The following FXR1 variants were observed in gnomAD, a reference collection of about 807,000 sequenced individuals.
FXR1 encodes RNA-binding protein FXR1.
FXR1 carries 15 observed loss-of-function variants against 84.0 expected under a neutral mutation model. That is an observed-to-expected ratio of 0.18 (90% CI 0.12 to 0.27). The LOEUF (loss-of-function observed/expected upper bound fraction) is 0.27, where lower values mean the gene tolerates loss of function less well. FXR1 is among the 10% of genes least tolerant of loss of function. The pLI is 1.00. For synonymous variants in FXR1, 245 were observed against 250.7 expected (o/e 0.98, Z 0.21); for missense variants, 480 against 774.4 (o/e 0.62, Z 4.51).
intron 3 of FXR1, among the ~76,000 whole-genome samples, chr3:180,938,657 T>A (rs1720796707): frequency 6.6e-6 from 1 of 152,170 alleles, no homozygotes; most frequent in Non-Finnish European, 1.5e-5. Context: ...CAAGCGATTC[T>A]CCTGCCTCAG....
chr3:180,957,172 GACTT>G (rs1343380700), intron 9 of FXR1, among the ~76,000 whole-genome samples: 2 of 149,896 alleles, frequency 1.3e-5, no homozygotes, highest in African/African-American at 5.0e-5. Flanking sequence ...CTGTTTGACA[GACTT>G]ACAAGTTAAG....
Position 180,948,415 on chromosome 3 carries a change from G to C in FXR1, c.339G>C (p.Arg113=), listed in dbSNP as rs1409650444. The C allele has an allele frequency of 6.2e-7, 1 of 1,605,432 alleles. No individual in the cohort carries two copies. Among genetic ancestry groups the C allele is most frequent in the East Asian group, 2.2e-5 (1 of 44,820 alleles). The change falls in exon 5 of 17, where the codon CGG becomes CGC. Residue 113 remains arginine, a synonymous_variant. Transcript: ENST00000357559. ...YNEIVTFERL[R]PVNQNKTVKK... Reference sequence around the variant, plus strand: ...AAATAGTCACATTTGAACGACTTCGGCCTGTCAATCAAAATAAAACTGTCA... The same window carrying C: ...AAATAGTCACATTTGAACGACTTCGCCCTGTCAATCAAAATAAAACTGTCA...
Position 180,976,350 on chromosome 3 carries a change from C to T in FXR1, c.*58C>T. 8.7e-7 allele frequency: 1 copy of T among 1,149,532 alleles called. No homozygotes were observed. The highest frequency in any genetic ancestry group is 1.2e-6 in the Non-Finnish European group (1 of 817,102). 71.2% of individuals were successfully genotyped at this position (1,149,532 alleles called of 1,614,324 possible). A position where few individuals can be genotyped will look rare whatever the true frequency, so the allele number is the denominator to read the frequency against. Reference sequence around the variant, plus strand: ...CATTACATTTACAATAGTGCTTGTACAAGCTTGCCAAAGATAGAATATGGA... The same window carrying T: ...CATTACATTTACAATAGTGCTTGTATAAGCTTGCCAAAGATAGAATATGGA... On this transcript the variant is annotated 3_prime_UTR_variant, in exon 17 of 17. Coordinates refer to ENST00000357559, the MANE Select transcript of FXR1 (RefSeq NM_005087.4).
chr3:180,970,133 T>C, intron 14 of FXR1, 25 bp from the exon 15 acceptor site: 1 of 1,315,744 alleles, frequency 7.6e-7, no homozygotes, highest in Non-Finnish European at 1.1e-6. Context: ...TAAACGAATA[T>C]TTCTTGCCTC....
At chr3:180,915,202 A>G (rs760008223) in intron 1 of FXR1, among the ~76,000 whole-genome samples, 107 of 152,226 alleles carry the variant, frequency 7.0e-4, no homozygotes, top group Non-Finnish European at 1.2e-3. Flanking sequence ...ACATACAGTA[A>G]AATAAGCCTT....
In FXR1 at chr3:180,968,150, G is replaced by A. The variant is rs371485992; in HGVS notation, c.1298G>A (p.Arg433Gln). Residue 433 changes from arginine to glutamine, a missense_variant, in exon 14 of 17, where the codon CGA becomes CAA. Physicochemically the swap from Arg to Gln is conservative, Grantham distance 43. Around this residue, in one of 6 missense-constraint regions of FXR1, gnomAD observed 157 missense variants for 227.8 expected, o/e 0.69. Coordinates refer to ENST00000357559, the MANE Select transcript of FXR1 (RefSeq NM_005087.4). ...GCAGGAGAAGATGATCGAGACAGCC[G>A]ACATCAGCGTGACAGCAGGAGACGC... ...SLAGEDDRDS[R>Q]HQRDSRRRPG... 5 of 1,613,386 alleles carry A rather than the reference G, an allele frequency of 3.1e-6. No individual in the cohort carries two copies. The highest frequency in any genetic ancestry group is 4.2e-6 in the Non-Finnish European group (5 of 1,179,360).
intron 15 of FXR1, among the ~76,000 whole-genome samples, chr3:180,974,160 C>CTTT (rs200685504): frequency 1.0e-4 from 15 of 143,294 alleles, no homozygotes; most frequent in East Asian, 4.1e-4. Flanking sequence ...AGTTTCAATT[C>CTTT]TTTTTTTTTT....
chr3:180,968,535 A>G lies in FXR1; in HGVS notation c.1402+281A>G, dbSNP rs1307281043. The stretch of plus-strand genomic sequence containing the variant: ...TCTTCAGGTTTTGGAGGCTTATTTA[A>G]TTAGAATTTTTTTTGTTTTCCCTAG... On this transcript the variant is annotated intron_variant, in intron 14 of 16. Coordinates refer to ENST00000357559, the MANE Select transcript of FXR1 (RefSeq NM_005087.4). The G allele has an allele frequency of 2.0e-5, 5 of 248,402 alleles. No individual in the cohort carries two copies. The South Asian group carries it at 2.8e-4, about 14-fold the overall frequency. 15.4% of individuals were successfully genotyped at this position (248,402 alleles called of 1,614,324 possible).
At chr3:180,956,510 C>G (rs752820399) in intron 9 of FXR1, among the ~76,000 whole-genome samples, 1 of 152,104 alleles carries the variant, frequency 6.6e-6, no homozygotes, top group Non-Finnish European at 1.5e-5. Flanking sequence ...GGCAAAGGTT[C>G]TGGGGGAGGA....
At chr3:180,965,112 G>A (rs1712655485) in intron 13 of FXR1, among the ~76,000 whole-genome samples, 1 of 152,004 alleles carries the variant, frequency 6.6e-6, no homozygotes, top group African/African-American at 2.4e-5. Flanking sequence ...TCCCTCCTGG[G>A]TTCAAGTGAT....
chr3:180,945,991 A>G (rs1721656294), intron 3 of FXR1, among the ~76,000 whole-genome samples: 1 of 152,224 alleles, frequency 6.6e-6, no homozygotes, highest in Non-Finnish European at 1.5e-5. Flanking sequence ...TTTGCTTTGT[A>G]AGATAATTTC....
At chr3:180,935,955 G>C (rs891657828) in intron 3 of FXR1, among the ~76,000 whole-genome samples, 2 of 151,918 alleles carry the variant, frequency 1.3e-5, no homozygotes, top group Non-Finnish European at 2.9e-5. Context: ...GCAATGGCGC[G>C]ATCTTGGCTC....
At chr3:180,950,441 T>A (rs1308392388) in intron 7 of FXR1, among the ~76,000 whole-genome samples, 2 of 152,226 alleles carry the variant, frequency 1.3e-5, no homozygotes, top group Non-Finnish European at 2.9e-5. Context: ...TTGGCCTTTT[T>A]AAAAAAATTT....
rs1186647475 is a variant in FXR1, at chr3:180,981,872, G to C, written c.*5580G>C. 6.6e-6 allele frequency: 1 copy of C among 152,002 alleles called. No individual in the cohort carries two copies. Among genetic ancestry groups the C allele is most frequent in the Non-Finnish European group, 1.5e-5 (1 of 67,960 alleles). 9.4% of individuals were successfully genotyped at this position (152,002 alleles called of 1,614,324 possible). A position where few individuals can be genotyped will look rare whatever the true frequency, so the allele number is the denominator to read the frequency against. On this transcript the variant is annotated 3_prime_UTR_variant, in exon 17 of 17. Coordinates refer to ENST00000357559, the MANE Select transcript of FXR1 (RefSeq NM_005087.4). The stretch of plus-strand genomic sequence containing the variant: ...CCTGGCTTCTGTTTACCTGGCTTCT[G>C]CAGAAGTTTAACTTGTAACCTACCT...
At chr3:180,954,287 C>A (rs913280602) in intron 9 of FXR1, among the ~76,000 whole-genome samples, 1 of 152,136 alleles carries the variant, frequency 6.6e-6, no homozygotes, top group Non-Finnish European at 1.5e-5. Flanking sequence ...TAATAAACTT[C>A]TACACAGTAG....
At position 180,979,808 on chromosome 3, in the gene FXR1, TCA is replaced by T. The variant is rs1350288841; in HGVS notation, c.*3517_*3518del. The T allele has an allele frequency of 6.6e-6, 1 of 152,042 alleles. No individual in the cohort carries two copies. Among genetic ancestry groups the T allele is most frequent in the Non-Finnish European group, 1.5e-5 (1 of 67,938 alleles). The allele number at this position is 152,042 out of a possible 1,614,324, so 9.4% of individuals were successfully genotyped here. On this transcript the variant is annotated 3_prime_UTR_variant, in exon 17 of 17. Coordinates refer to ENST00000357559, the MANE Select transcript of FXR1 (RefSeq NM_005087.4). ...TCAACTATTAACAGTTTCTTATGGT[TCA>T]GTCTAATTACAAATTTTTAAAAAGT...
intron 15 of FXR1, among the ~76,000 whole-genome samples, chr3:180,973,890 T>G (rs1002493853): frequency 6.6e-6 from 1 of 152,208 alleles, no homozygotes; most frequent in Non-Finnish European, 1.5e-5. Flanking sequence ...CCATCCAGCT[T>G]TTTATTATAC....
chr3:180,944,530 T>A (rs1486976649), intron 3 of FXR1, among the ~76,000 whole-genome samples: 1 of 151,944 alleles, frequency 6.6e-6, no homozygotes, highest in Non-Finnish European at 1.5e-5. Context: ...TCTTCCTGTG[T>A]TGTCCAGGTT....
Position 180,959,954 on chromosome 3 carries a change from GA to G in FXR1, c.991-1512del, listed in dbSNP as rs1464018675. Among the ~76,000 whole-genome samples, 4 of 151,882 alleles carry G rather than the reference GA, an allele frequency of 2.6e-5. No homozygotes were observed. The East Asian group carries it at 7.7e-4, about 29-fold the overall frequency. On this transcript the variant is annotated intron_variant, in intron 10 of 16. Coordinates refer to ENST00000357559, the MANE Select transcript of FXR1 (RefSeq NM_005087.4). ...TAAACCACGCTTAGTTTCATATTTA[GA>G]ACAAAAAAATCCCTAAACCATTCTG...
Sources: gnomAD v4.1 joint callset for allele counts (sites outside exome capture counted in the v4.1 genomes callset) on GRCh38, gnomAD v4.1.1 for gene constraint, gnomAD v4.1.1 regional missense constraint, MANE v1.5 for transcripts, NCBI Gene and HGNC (gene_info 2026-07-23, HGNC 2026-07-21) for gene names.